The following RTTN variants were observed in gnomAD, a reference collection of about 807,000 sequenced individuals.
RTTN encodes rotatin.
Under a neutral mutation model 269.2 loss-of-function variants are expected in RTTN, and 182 were observed. The ratio of observed to expected loss-of-function variants is 0.68; its 90% CI spans 0.60 to 0.76. The LOEUF (loss-of-function observed/expected upper bound fraction) is 0.76, where lower values mean the gene tolerates loss of function less well. Ranked by LOEUF, RTTN falls within the 30% of genes least tolerant of loss-of-function variation. RTTN has a pLI of 0.00. For synonymous variants in RTTN, 1,006 were observed against 963.5 expected, an observed-to-expected ratio of 1.04 and a Z score of -0.82; for missense variants, 2,545 against 2,608.6, an observed-to-expected ratio of 0.98 and a Z score of 0.53.
chr18:70,073,807 G>A, intron 34 of RTTN, 99 bp downstream of exon 34: 1 of 820,358 alleles, frequency 1.2e-6, no homozygotes, highest in South Asian at 1.5e-5. Context: ...AATCATAGCT[G>A]TTATAACCTT....
chr18:70,017,863 AG>A (rs1420245477), intron 45 of RTTN, among the ~76,000 whole-genome samples, 189 bp from the exon 46 acceptor site: 1 of 152,208 alleles, frequency 6.6e-6, no homozygotes, highest in Non-Finnish European at 1.5e-5. Context: ...AGAACAAAAT[AG>A]TGCTCAAGTT....
In RTTN at chr18:70,204,281, T is replaced by A. The variant is rs764322541; in HGVS notation, c.220-18A>T. On this transcript the variant is annotated intron_variant, in intron 2 of 48. Coordinates refer to ENST00000640769, the MANE Select transcript of RTTN (RefSeq NM_173630.4). ...GGGGGATACTAAAATAAGAAGAGGA[T>A]GATCTTGAGAATAACTGTATCAAAA... 1 of 1,587,972 alleles carries A rather than the reference T, an allele frequency of 6.3e-7. No individual in the cohort carries two copies. The highest frequency in any genetic ancestry group is 1.8e-5 in the Admixed American group (1 of 54,062).
At chr18:70,121,381 A>G (rs936943908) in intron 26 of RTTN, among the ~76,000 whole-genome samples, 175 bp downstream of exon 26, 3 of 152,172 alleles carry the variant, frequency 2.0e-5, no homozygotes, top group Non-Finnish European at 2.9e-5. Context: ...ATTTTAATAA[A>G]CACATTCACA....
chr18:70,181,171 T>C lies in RTTN; in HGVS notation c.1306-4326A>G, dbSNP rs576891082. Among the ~76,000 whole-genome samples, 119 of 152,320 alleles carry C rather than the reference T, an allele frequency of 7.8e-4. 1 individual carries two copies. Among genetic ancestry groups the C allele is most frequent in the African/African-American group, 2.7e-3 (114 of 41,568 alleles). ...CATTCTACAATTCTACCAACATGCC[T>C]TGATGTTGAAGTTACCAGTTCACAG... On this transcript the variant is annotated intron_variant, in intron 10 of 48. Transcript: ENST00000640769.
chr18:70,202,967 C>CTT (rs35542740), intron 3 of RTTN, among the ~76,000 whole-genome samples: 3 of 140,662 alleles, frequency 2.1e-5, no homozygotes, highest in East Asian at 4.2e-4. Flanking sequence ...AGCATCAAAA[C>CTT]TTTTTTTTTT....
At chr18:70,151,930 A>T (rs2060549241) in intron 14 of RTTN, among the ~76,000 whole-genome samples, 1 of 152,094 alleles carries the variant, frequency 6.6e-6, no homozygotes, top group Non-Finnish European at 1.5e-5. Context: ...CGCTGTCCTC[A>T]GTCAGTACTT....
chr18:70,021,875 G>C (rs1438033339), intron 44 of RTTN, among the ~76,000 whole-genome samples: 3 of 152,156 alleles, frequency 2.0e-5, no homozygotes, highest in Admixed American at 2.0e-4. Context: ...GCAGTAACTA[G>C]ATGGGCTCCT....
chr18:70,083,176 G>A (rs1227165494), intron 32 of RTTN, among the ~76,000 whole-genome samples: 1 of 152,160 alleles, frequency 6.6e-6, no homozygotes, highest in Non-Finnish European at 1.5e-5. Flanking sequence ...AGGAGTGCTA[G>A]ATGTCAAGGG....
rs560586395 is a variant in RTTN at position 70,143,995 on chromosome 18, G to A, written c.2482-1608C>T. On this transcript the variant is annotated intron_variant, in intron 18 of 48. Coordinates refer to ENST00000640769, the MANE Select transcript of RTTN (RefSeq NM_173630.4). Reference sequence around the variant, plus strand: ...CTACCTCAGCCTCCCAAGTTGCTGGGACTACAGGCATGCACCACCAACCCC... The same window carrying A: ...CTACCTCAGCCTCCCAAGTTGCTGGAACTACAGGCATGCACCACCAACCCC... Among the ~76,000 whole-genome samples the A allele has an allele frequency of 3.9e-5, 6 of 152,030 alleles. No individual in the cohort carries two copies. In the South Asian group the frequency reaches 1.2e-3, roughly 32 times the overall value.
intron 30 of RTTN, among the ~76,000 whole-genome samples, chr18:70,090,977 T>C (rs1235074083): frequency 6.6e-6 from 1 of 152,210 alleles, no homozygotes; most frequent in Non-Finnish European, 1.5e-5. Context: ...TCTTCCTTTT[T>C]TTCCTATTTC....
At chr18:70,178,250 T>C (rs2061348373) in intron 10 of RTTN, among the ~76,000 whole-genome samples, 1 of 152,080 alleles carries the variant, frequency 6.6e-6, no homozygotes, top group Non-Finnish European at 1.5e-5. Flanking sequence ...GAAAAGGGTG[T>C]TGAGCATTCA....
chr18:70,159,632 A>G (rs1052425440), intron 14 of RTTN, among the ~76,000 whole-genome samples: 17 of 152,148 alleles, frequency 1.1e-4, no homozygotes, highest in African/African-American at 4.1e-4. Flanking sequence ...AAAGATCGAC[A>G]AAACCAAATT....
chr18:70,198,800 TATCA>T (rs1171754641), intron 5 of RTTN, among the ~76,000 whole-genome samples: 3 of 152,188 alleles, frequency 2.0e-5, no homozygotes, highest in African/African-American at 7.2e-5. Flanking sequence ...TTTCCATTTT[TATCA>T]ATCAAGGGCA....
intron 10 of RTTN, among the ~76,000 whole-genome samples, chr18:70,178,529 T>A (rs1196601587): frequency 1.3e-5 from 2 of 151,938 alleles, no homozygotes; most frequent in East Asian, 1.9e-4. Flanking sequence ...GAAGACAAAA[T>A]GATCTACATA....
chr18:70,056,126 C>G (rs73964485), intron 37 of RTTN, among the ~76,000 whole-genome samples: 1 of 152,196 alleles, frequency 6.6e-6, no homozygotes, highest in East Asian at 1.9e-4. Context: ...ACAGACTCTA[C>G]GTGAGGAGAG....
At chr18:70,195,566 A>G (rs1251179138) in intron 7 of RTTN, among the ~76,000 whole-genome samples, 30 of 152,182 alleles carry the variant, frequency 2.0e-4, no homozygotes, top group Admixed American at 2.0e-3. Flanking sequence ...AGCAAACTTG[A>G]TTGTTTATCA....
intron 35 of RTTN, among the ~76,000 whole-genome samples, chr18:70,062,703 C>A (rs1273585286): frequency 6.6e-6 from 1 of 150,664 alleles, no homozygotes. Context: ...GCCTCAAAGC[C>A]TGGGCTCAAG....
At chr18:70,184,848 T>C (rs979422305) in intron 10 of RTTN, among the ~76,000 whole-genome samples, 2 of 149,042 alleles carry the variant, frequency 1.3e-5, no homozygotes, top group South Asian at 2.1e-4. Context: ...TGATCCGAGA[T>C]GGCGCCACTG....
At chr18:70,042,277 T>G (rs1466738952) in intron 40 of RTTN, among the ~76,000 whole-genome samples, 8 of 149,126 alleles carry the variant, frequency 5.4e-5, no homozygotes, top group Non-Finnish European at 1.0e-4. Flanking sequence ...GGATGCTTCA[T>G]CTAAACATTT....
Sources: gnomAD v4.1 joint callset for allele counts (sites outside exome capture counted in the v4.1 genomes callset) on GRCh38, gnomAD v4.1.1 for gene constraint, MANE v1.5 for transcripts, NCBI Gene and HGNC (gene_info 2026-07-23, HGNC 2026-07-21) for gene names.